SPAG16: variants seen among roughly 807,000 people sequenced by gnomAD.
The protein encoded by SPAG16 is sperm associated antigen 16, also known as sperm-associated antigen 16 protein.
A neutral mutation model predicts 80.4 loss-of-function variants in SPAG16; 86 were observed. The observed-to-expected ratio is 1.07, with a 90% CI of 0.90 to 1.28. The LOEUF (loss-of-function observed/expected upper bound fraction) is 1.28, where lower values mean the gene tolerates loss of function less well. Ranked by LOEUF, SPAG16 falls within the 50% of genes most tolerant of loss-of-function variation. The pLI is 0.00. For synonymous variants in SPAG16, 294 were observed against 265.9 expected, an observed-to-expected ratio of 1.11 and a Z score of -1.03; for missense variants, 870 against 765.3, an observed-to-expected ratio of 1.14 and a Z score of -1.61.
chr2:213,520,665 A>G (rs1220384779), intron 10 of SPAG16, among the ~76,000 whole-genome samples: 1 of 152,234 alleles, frequency 6.6e-6, no homozygotes, highest in Non-Finnish European at 1.5e-5. Flanking sequence ...CAGCCCTAGG[A>G]GACTACTACT....
intron 13 of SPAG16, among the ~76,000 whole-genome samples, chr2:214,020,062 G>A (rs144163701): frequency 6.6e-6 from 1 of 152,184 alleles, no homozygotes; most frequent in Non-Finnish European, 1.5e-5. Flanking sequence ...AATCTACATA[G>A]CTTACTGGAA....
intron 10 of SPAG16, among the ~76,000 whole-genome samples, chr2:213,561,436 T>C (rs1291518728): frequency 6.6e-6 from 1 of 152,170 alleles, no homozygotes; most frequent in Non-Finnish European, 1.5e-5. Context: ...AATGTTTACA[T>C]CACCAAGAAA....
chr2:213,732,584 G>C (rs2125428309), intron 10 of SPAG16, among the ~76,000 whole-genome samples: 2 of 152,262 alleles, frequency 1.3e-5, no homozygotes, highest in South Asian at 4.1e-4. Context: ...TTTTAAGATA[G>C]TTTTTTCTAA....
chr2:213,544,671 T>C (rs182984333), intron 10 of SPAG16, among the ~76,000 whole-genome samples: 50 of 152,208 alleles, frequency 3.3e-4, no homozygotes, highest in Admixed American at 5.2e-4. Context: ...GTGCTCTACC[T>C]ATTCATATCG....
At chr2:213,899,121 A>T (rs1352881897) in intron 11 of SPAG16, among the ~76,000 whole-genome samples, 1 of 152,150 alleles carries the variant, frequency 6.6e-6, no homozygotes, top group Non-Finnish European at 1.5e-5. Context: ...TATTCAATAT[A>T]AATAGGCCAG....
intron 15 of SPAG16, among the ~76,000 whole-genome samples, chr2:214,233,268 T>C (rs958749801): frequency 1.1e-4 from 17 of 151,812 alleles, no homozygotes; most frequent in African/African-American, 4.1e-4. Flanking sequence ...GTTACATAGG[T>C]GTTTGCTTTA....
intron 10 of SPAG16, among the ~76,000 whole-genome samples, chr2:213,673,185 C>G (rs1259379090): frequency 1.3e-5 from 2 of 152,172 alleles, no homozygotes; most frequent in African/African-American, 4.8e-5. Context: ...ATTTGGTAAC[C>G]TCTATAACTG....
chr2:213,756,164 T>C (rs1191138935), intron 10 of SPAG16, among the ~76,000 whole-genome samples: 1 of 151,856 alleles, frequency 6.6e-6, no homozygotes. Context: ...ATTTTAGCAA[T>C]CCAATAGGTG....
intron 10 of SPAG16, among the ~76,000 whole-genome samples, chr2:213,523,749 G>A (rs2075778172): frequency 6.6e-6 from 1 of 152,182 alleles, no homozygotes; most frequent in Non-Finnish European, 1.5e-5. Flanking sequence ...TTCTTGTTAT[G>A]CTTTAGCAAA....
At chr2:214,205,299 A>G (rs984961659) in intron 15 of SPAG16, among the ~76,000 whole-genome samples, 1 of 152,198 alleles carries the variant, frequency 6.6e-6, no homozygotes, top group Non-Finnish European at 1.5e-5. Context: ...GTGAAATAGC[A>G]TAAATAAAAA....
At chr2:214,209,520 G>C (rs1404232480) in intron 15 of SPAG16, among the ~76,000 whole-genome samples, 3 of 152,190 alleles carry the variant, frequency 2.0e-5, no homozygotes, top group Non-Finnish European at 4.4e-5. Context: ...AATATCCTCT[G>C]CTCTTCTTTC....
intron 11 of SPAG16, among the ~76,000 whole-genome samples, chr2:213,867,785 G>C (rs10170268): frequency 0.59 from 89,510 of 150,794 alleles, 28,416 homozygotes; most frequent in South Asian, 0.85. Context: ...ATAGCCGGGC[G>C]TGGTGGCGGG....
At chr2:214,147,560 T>C (rs2055720086) in intron 14 of SPAG16, among the ~76,000 whole-genome samples, 1 of 152,180 alleles carries the variant, frequency 6.6e-6, no homozygotes, top group Admixed American at 6.5e-5. Flanking sequence ...AGCCCTTATA[T>C]TTGGAAAGAA....
At chr2:213,295,440 A>AT (rs1297016567) in intron 1 of SPAG16, among the ~76,000 whole-genome samples, 1 of 152,072 alleles carries the variant, frequency 6.6e-6, no homozygotes, top group African/African-American at 2.4e-5. Flanking sequence ...TTGAATTATG[A>AT]TTGCTATATA....
intron 11 of SPAG16, among the ~76,000 whole-genome samples, chr2:213,926,284 G>A (rs1046505559): frequency 6.6e-6 from 1 of 151,712 alleles, no homozygotes; most frequent in Non-Finnish European, 1.5e-5. Flanking sequence ...GTGGTGTTTG[G>A]TTACATGAGT....
intron 15 of SPAG16, among the ~76,000 whole-genome samples, chr2:214,203,320 A>G (rs1189138553): frequency 1.3e-5 from 2 of 152,188 alleles, no homozygotes; most frequent in Non-Finnish European, 2.9e-5. Context: ...GATAGGAGGC[A>G]GGACTAACTT....
At chr2:214,367,911 G>C (rs1699583807) in intron 15 of SPAG16, among the ~76,000 whole-genome samples, 1 of 151,934 alleles carries the variant, frequency 6.6e-6, no homozygotes, top group Non-Finnish European at 1.5e-5. Context: ...CACAATATAT[G>C]AACATTTTTC....
At chr2:213,520,923 G>A (rs1273505087) in intron 10 of SPAG16, among the ~76,000 whole-genome samples, 2 of 152,126 alleles carry the variant, frequency 1.3e-5, no homozygotes, top group African/African-American at 2.4e-5. Flanking sequence ...ATCCTCAGAG[G>A]TCCTACCATT....
intron 10 of SPAG16, among the ~76,000 whole-genome samples, chr2:213,842,003 C>T (rs1169748571): frequency 1.3e-5 from 2 of 152,042 alleles, no homozygotes; most frequent in Admixed American, 1.3e-4. Flanking sequence ...TGTAACTAAG[C>T]ATTTATGTTC....
Sources: gnomAD v4.1 joint callset for allele counts (sites outside exome capture counted in the v4.1 genomes callset) on GRCh38, gnomAD v4.1.1 for gene constraint, MANE v1.5 for transcripts, NCBI Gene and HGNC (gene_info 2026-07-23, HGNC 2026-07-21) for gene names.